Variants in ATXN1 observed in about 807,000 individuals in gnomAD.
The protein encoded by ATXN1 is ataxin-1.
ATXN1 carries 8 observed loss-of-function variants against 56.4 expected under a neutral mutation model. The ratio of observed to expected loss-of-function variants is 0.14; its 90% CI spans 0.08 to 0.26. The LOEUF is 0.26. Ranked by LOEUF, ATXN1 falls within the 10% of genes least tolerant of loss-of-function variation. The probability of loss-of-function intolerance (pLI) is 1.00; values close to 1 mark genes in which losing one functional copy is unlikely to be tolerated. For synonymous variants in ATXN1, 514 were observed against 494.6 expected (o/e 1.04, Z -0.52); for missense variants, 987 against 1,106.5 (o/e 0.89, Z 1.53).
At chr6:16,648,285 C>T (rs1403241646) in intron 3 of ATXN1, among the ~76,000 whole-genome samples, 1 of 152,172 alleles carries the variant, frequency 6.6e-6, no homozygotes, top group Non-Finnish European at 1.5e-5. Context: ...CATGGACCCA[C>T]ACATACAGTC....
intron 6 of ATXN1, among the ~76,000 whole-genome samples, chr6:16,480,674 T>C (rs1760420814): frequency 6.6e-6 from 1 of 152,184 alleles, no homozygotes; most frequent in Non-Finnish European, 1.5e-5. Flanking sequence ...AAAAGCATTT[T>C]ACCTTGGCAC....
At chr6:16,395,427 C>T (rs948562714) in intron 6 of ATXN1, among the ~76,000 whole-genome samples, 1 of 151,936 alleles carries the variant, frequency 6.6e-6, no homozygotes, top group African/African-American at 2.4e-5. Flanking sequence ...TTGGGTCAGC[C>T]GCGGATTGCA....
intron 2 of ATXN1, among the ~76,000 whole-genome samples, chr6:16,751,676 C>G (rs758506111): frequency 6.6e-6 from 1 of 152,002 alleles, no homozygotes; most frequent in Non-Finnish European, 1.5e-5. Context: ...AAATAAAAGG[C>G]TCCTTGGCTT....
At chr6:16,662,969 AT>A (rs57242101) in intron 2 of ATXN1, among the ~76,000 whole-genome samples, 13,280 of 129,576 alleles carry the variant, frequency 0.1, 1,618 homozygotes, top group African/African-American at 0.34. Flanking sequence ...TTCTGTTTGG[AT>A]TTTTTTTTTT....
At chr6:16,460,393 T>C (rs915135388) in intron 6 of ATXN1, among the ~76,000 whole-genome samples, 5 of 152,188 alleles carry the variant, frequency 3.3e-5, no homozygotes, top group African/African-American at 1.2e-4. Flanking sequence ...GGCCTCACTG[T>C]TTACGGGTAG....
chr6:16,731,454 C>CTT lies in ATXN1; in HGVS notation c.-615+21777_-615+21778dup, dbSNP rs71559655. Among the ~76,000 whole-genome samples the CTT allele has an allele frequency of 1.3e-3, 104 of 81,758 alleles. 3 individuals carry two copies. Among genetic ancestry groups the CTT allele is most frequent in the East Asian group, 6.7e-3 (18 of 2,674 alleles). 53.6% of individuals were successfully genotyped at this position (81,758 alleles called of 152,430 possible). A position where few individuals can be genotyped will look rare whatever the true frequency, so the allele number is the denominator to read the frequency against. ...ACGAGAGAGGCTTTTTTTTTCTTTT[C>CTT]TTTTTTTTTTTTTTTTTTTTTTTTT... On this transcript the variant is annotated intron_variant, in intron 2 of 7. Coordinates refer to ENST00000436367, the MANE Select transcript of ATXN1 (RefSeq NM_001128164.2).
At chr6:16,641,923 G>A (rs755920486) in intron 3 of ATXN1, among the ~76,000 whole-genome samples, 8 of 152,196 alleles carry the variant, frequency 5.3e-5, no homozygotes, top group Non-Finnish European at 7.3e-5. Context: ...CAACCCCCAT[G>A]GATGACTTGA....
chr6:16,367,083 G>C (rs980105152), intron 6 of ATXN1, among the ~76,000 whole-genome samples: 4 of 152,174 alleles, frequency 2.6e-5, no homozygotes, highest in East Asian at 1.9e-4. Context: ...TGTCTTAACA[G>C]ACACAGACAC....
At chr6:16,716,333 T>C (rs1020643042) in intron 2 of ATXN1, among the ~76,000 whole-genome samples, 1 of 152,154 alleles carries the variant, frequency 6.6e-6, no homozygotes, top group African/African-American at 2.4e-5. Flanking sequence ...GTTTGGAAAA[T>C]AGCTCTGACC....
intron 6 of ATXN1, among the ~76,000 whole-genome samples, chr6:16,464,109 G>C (rs1457760196): frequency 6.6e-6 from 1 of 152,194 alleles, no homozygotes; most frequent in Non-Finnish European, 1.5e-5. Flanking sequence ...GGGGGATTGA[G>C]AGGTGAGGCC....
intron 2 of ATXN1, among the ~76,000 whole-genome samples, chr6:16,717,477 G>C (rs1759662568): frequency 6.6e-6 from 1 of 152,222 alleles, no homozygotes; most frequent in Non-Finnish European, 1.5e-5. Context: ...ATCTTCCTTA[G>C]AGAGCATGTG....
chr6:16,474,140 A>G (rs774968727), intron 6 of ATXN1, among the ~76,000 whole-genome samples: 1 of 152,232 alleles, frequency 6.6e-6, no homozygotes, highest in Non-Finnish European at 1.5e-5. Flanking sequence ...CTGTCTTCCA[A>G]CATGCCATGT....
intron 4 of ATXN1, among the ~76,000 whole-genome samples, chr6:16,551,833 A>C (rs901274241): frequency 1.3e-5 from 2 of 152,238 alleles, no homozygotes; most frequent in African/African-American, 2.4e-5. Context: ...TGATTCTAGC[A>C]GAAGTTACGG....
At chr6:16,397,624 G>A (rs936340722) in intron 6 of ATXN1, among the ~76,000 whole-genome samples, 1 of 152,154 alleles carries the variant, frequency 6.6e-6, no homozygotes, top group Non-Finnish European at 1.5e-5. Context: ...AACTAGGGGA[G>A]AACAGTAGGA....
chr6:16,394,141 T>C (rs1204199307), intron 6 of ATXN1, among the ~76,000 whole-genome samples: 1 of 152,200 alleles, frequency 6.6e-6, no homozygotes, highest in Non-Finnish European at 1.5e-5. Context: ...TCTGTGTTCC[T>C]AACTAGGCCT....
intron 7 of ATXN1, among the ~76,000 whole-genome samples, chr6:16,308,320 C>T (rs1369723869): frequency 5.0e-5 from 5 of 100,010 alleles, no homozygotes; most frequent in Admixed American, 1.4e-4. Context: ...AGTGAAACTC[C>T]GTCACACACA....
At chr6:16,591,801 T>A (rs1248038539) in intron 3 of ATXN1, among the ~76,000 whole-genome samples, 1 of 152,164 alleles carries the variant, frequency 6.6e-6, no homozygotes, top group Admixed American at 6.5e-5. Flanking sequence ...ACTTTGATAC[T>A]CTTATGACTA....
chr6:16,598,145 TAAAAC>T (rs1454908411), intron 3 of ATXN1, among the ~76,000 whole-genome samples: 1 of 152,144 alleles, frequency 6.6e-6, no homozygotes, highest in East Asian at 1.9e-4. Flanking sequence ...TATAAAAAGT[TAAAAC>T]AAAAAATTAA....
In ATXN1 at chr6:16,303,124, A is replaced by G. The variant is rs1760153084; in HGVS notation, c.*3205T>C. ...GTCCAGGCTCAGAGGCAGGGCTCCA[A>G]GTCTCAAGGACACAGACCCCGAGGA... On this transcript the variant is annotated 3_prime_UTR_variant, in exon 8 of 8. Coordinates refer to ENST00000436367, the MANE Select transcript of ATXN1 (RefSeq NM_001128164.2). This position sits in a 1 kb window ranked among gnomAD's most constrained non-coding sequence, Gnocchi z 4.3. 1 of 152,978 alleles carries G rather than the reference A, an allele frequency of 6.5e-6. No individual in the cohort carries two copies. Among genetic ancestry groups the G allele is most frequent in the Non-Finnish European group, 1.5e-5 (1 of 68,272 alleles). 9.5% of individuals were successfully genotyped at this position (152,978 alleles called of 1,614,324 possible). A position where few individuals can be genotyped will look rare whatever the true frequency, so the allele number is the denominator to read the frequency against.
Sources: allele counts gnomAD v4.1 joint callset (sites outside exome capture counted in the v4.1 genomes callset), GRCh38; gene constraint gnomAD v4.1.1; non-coding constraint Gnocchi (gnomAD v3.1); transcripts MANE v1.5; gene names NCBI Gene and HGNC (gene_info 2026-07-23, HGNC 2026-07-21).